Variants in CEP63 observed in about 807,000 individuals in gnomAD.
CEP63 encodes centrosomal protein of 63 kDa.
CEP63 carries 84 observed loss-of-function variants against 89.1 expected under a neutral mutation model. That is an observed-to-expected ratio of 0.94 (90% CI 0.79 to 1.13). The LOEUF (loss-of-function observed/expected upper bound fraction) is 1.13, where lower values mean the gene tolerates loss of function less well. Among genes scored for constraint, CEP63 ranks in the 50% most tolerant of loss-of-function variants. The pLI is 0.00. For missense variants in CEP63, 838 were observed against 813.3 expected, an observed-to-expected ratio of 1.03 and a Z score of -0.37; for synonymous variants, 267 against 272.5, an observed-to-expected ratio of 0.98 and a Z score of 0.20.
intron 12 of CEP63, chr3:134,552,467 T>G (rs1431379430): frequency 1.3e-5 from 2 of 154,240 alleles, no homozygotes; most frequent in African/African-American, 4.8e-5. Flanking sequence ...CCTCCCAAAG[T>G]GCTGGGATTA....
At chr3:134,608,994 TTC>T in the CEP63 span, among the ~76,000 whole-genome samples, 10 of 152,184 alleles carry the variant, frequency 6.6e-5, no homozygotes, top group Non-Finnish European at 1.2e-4. Flanking sequence ...CAGTGGATGC[TTC>T]CAGAAATTGT....
the CEP63 span, among the ~76,000 whole-genome samples, chr3:134,738,763 T>C: frequency 5.9e-5 from 9 of 151,786 alleles, no homozygotes; most frequent in African/African-American, 1.9e-4. Context: ...CAATAACTAA[T>C]GGAAAAAAAG....
At chr3:134,700,010 C>T in the CEP63 span, among the ~76,000 whole-genome samples, 1 of 152,256 alleles carries the variant, frequency 6.6e-6, no homozygotes, top group Admixed American at 6.5e-5. Flanking sequence ...CTCTCACTTT[C>T]AGGGGTCCGC....
the CEP63 span, among the ~76,000 whole-genome samples, chr3:134,691,790 G>T: frequency 6.6e-6 from 1 of 150,628 alleles, no homozygotes; most frequent in African/African-American, 2.4e-5. Context: ...TATGATCTCG[G>T]CTCACTGCAA....
chr3:134,760,058 C>CTTTTTTTTTTTTTTTTTTTTTTTTTTTT, the CEP63 span, among the ~76,000 whole-genome samples: 1 of 131,196 alleles, frequency 7.6e-6, no homozygotes, highest in African/African-American at 2.9e-5. Context: ...AGAGCACTTT[C>CTTTTTTTTTTTTTTTTTTTTTTTTTTTT]TTTTTTTTTT....
chr3:134,600,883 G>A, the CEP63 span: 1 of 152,218 alleles, frequency 6.6e-6, no homozygotes, highest in Admixed American at 6.5e-5. Context: ...ACATAAGGTA[G>A]CGCTGAGAAG....
chr3:134,664,144 G>A, the CEP63 span, among the ~76,000 whole-genome samples: 1,857 of 152,242 alleles, frequency 0.012, 34 homozygotes, highest in African/African-American at 0.042. Context: ...TCAATTTACC[G>A]CCTGCTCTTT....
chr3:134,574,664 GTGGTGCAGTC>G, intron 11 of CEP63: 1 of 411,106 alleles, frequency 2.4e-6, no homozygotes, highest in Non-Finnish European at 4.3e-6. Flanking sequence ...CTGGAGTTCA[GTGGTGCAGTC>G]ACGGCTTACT....
At chr3:134,522,867 T>A (rs1947784828) in intron 3 of CEP63, among the ~76,000 whole-genome samples, 1 of 152,200 alleles carries the variant, frequency 6.6e-6, no homozygotes, top group Non-Finnish European at 1.5e-5. Context: ...TGAACTTACG[T>A]GTGTATGTGT....
intron 13 of CEP63, 27 bp from the exon 14 acceptor site, chr3:134,559,123 T>C (rs1231089185): frequency 6.2e-7 from 1 of 1,611,116 alleles, no homozygotes; most frequent in African/African-American, 1.3e-5. Context: ...ATTTTTTATT[T>C]GTTTTGTTTT....
chr3:134,673,291 A>C, the CEP63 span, among the ~76,000 whole-genome samples: 3 of 152,068 alleles, frequency 2.0e-5, no homozygotes, highest in Non-Finnish European at 4.4e-5. Flanking sequence ...CTCCAACCAC[A>C]ACCTGACGTC....
In CEP63 at chr3:134,551,752, T is replaced by C. The variant is rs1455082410; in HGVS notation, c.1381-174T>C. Among the ~76,000 whole-genome samples the C allele has an allele frequency of 1.3e-3, 17 of 13,434 alleles. No individual in the cohort carries two copies. In the East Asian group the frequency reaches 0.029, roughly 23 times the overall value. The allele number at this position is 13,434 out of a possible 152,430, so 8.8% of individuals were successfully genotyped here. A position where few individuals can be genotyped will look rare whatever the true frequency, so the allele number is the denominator to read the frequency against. ...ATATATATATATATATATATATATA[T>C]ATACACACACACACGTACATATATA... is the stretch of plus-strand genomic sequence containing the variant. On this transcript the variant is annotated intron_variant, in intron 11 of 14. Coordinates refer to ENST00000675561, the MANE Select transcript of CEP63 (RefSeq NM_001353108.3).
At chr3:134,605,352 G>A in the CEP63 span, among the ~76,000 whole-genome samples, 1 of 152,110 alleles carries the variant, frequency 6.6e-6, no homozygotes, top group Non-Finnish European at 1.5e-5. Flanking sequence ...CCCCAGCCCC[G>A]TTCACAGTTG....
the CEP63 span, among the ~76,000 whole-genome samples, chr3:134,640,888 G>A: frequency 1.1e-4 from 16 of 152,134 alleles, no homozygotes; most frequent in African/African-American, 3.9e-4. Context: ...TGCCCCCTCT[G>A]TTTATTCTCT....
At chr3:134,565,210 C>T (rs181821385), downstream of CEP63, among the ~76,000 whole-genome samples, 165 of 152,246 alleles carry the variant, frequency 1.1e-3, no homozygotes, top group African/African-American at 3.0e-3. Flanking sequence ...TGGATTCCTA[C>T]GCAGATTTTA....
chr3:134,546,844 C>T (rs911999583), intron 8 of CEP63, among the ~76,000 whole-genome samples: 2 of 152,152 alleles, frequency 1.3e-5, no homozygotes, highest in Non-Finnish European at 2.9e-5. Context: ...AAACCAAGGT[C>T]AGTTTGCATG....
At chr3:134,608,596 T>C in the CEP63 span, 4 of 1,613,644 alleles carry the variant, frequency 2.5e-6, no homozygotes, top group South Asian at 3.3e-5. Flanking sequence ...TGGAGGACAG[T>C]GCGAAATGCT....
the CEP63 span, chr3:134,604,516 C>A: frequency 1.3e-6 from 2 of 1,510,468 alleles, no homozygotes; most frequent in South Asian, 1.2e-5. Context: ...GGGTCCAGCA[C>A]GTGCTGATGT....
At chr3:134,650,854 T>A in the CEP63 span, 1 of 1,607,760 alleles carries the variant, frequency 6.2e-7, no homozygotes, top group Non-Finnish European at 8.5e-7. Flanking sequence ...CGAGCTCGGG[T>A]TCGCCTGCTG....
Sources: gnomAD v4.1 joint callset for allele counts (sites outside exome capture counted in the v4.1 genomes callset) on GRCh38, gnomAD v4.1.1 for gene constraint, MANE v1.5 for transcripts, NCBI Gene and HGNC (gene_info 2026-07-23, HGNC 2026-07-21) for gene names.